CERT1: variants seen among roughly 807,000 people sequenced by gnomAD.
CERT1 encodes the protein ceramide transporter 1.
A neutral mutation model predicts 87.9 loss-of-function variants in CERT1; 31 were observed. The ratio of observed to expected loss-of-function variants is 0.35; its 90% CI spans 0.27 to 0.48. CERT1 has a LOEUF of 0.48. Among genes scored for constraint, CERT1 ranks in the 20% least tolerant of loss-of-function variants. The pLI is 0.99. For missense variants in CERT1, 487 were observed against 758.0 expected (o/e 0.64, Z 4.20); for synonymous variants, 289 against 250.9 (o/e 1.15, Z -1.44).
At chr5:75,385,512 C>A (rs991977988) in intron 13 of CERT1, among the ~76,000 whole-genome samples, 14 of 152,078 alleles carry the variant, frequency 9.2e-5, no homozygotes, top group African/African-American at 3.4e-4. Context: ...CAAAAGGATT[C>A]ACCTAGGATT....
chr5:75,412,330 G>A (rs1762964225), intron 7 of CERT1, among the ~76,000 whole-genome samples: 1 of 152,154 alleles, frequency 6.6e-6, no homozygotes, highest in Admixed American at 6.5e-5. Context: ...GGTCAAACCA[G>A]GATTCATGGT....
At chr5:75,454,314 C>A (rs1020307427) in intron 3 of CERT1, among the ~76,000 whole-genome samples, 1 of 151,946 alleles carries the variant, frequency 6.6e-6, no homozygotes. Flanking sequence ...TGAAATTTGC[C>A]GTTTGATATT....
At chr5:75,417,717 C>A (rs1763197265) in intron 6 of CERT1, among the ~76,000 whole-genome samples, 1 of 152,064 alleles carries the variant, frequency 6.6e-6, no homozygotes, top group African/African-American at 2.4e-5. Flanking sequence ...AATTGTGAAA[C>A]TTAAATCAAA....
chr5:75,417,035 T>C lies in CERT1; in HGVS notation c.680-2A>G. 1 of 1,567,354 alleles carries C rather than the reference T, an allele frequency of 6.4e-7. No individual in the cohort carries two copies. Among genetic ancestry groups the C allele is most frequent in the Non-Finnish European group, 8.7e-7 (1 of 1,146,430 alleles). ...CTTTTGGTGTCACATGTGGAAATAC[T>C]GAAAATGAAAATTATTCACTGAAAA... On this transcript the variant is annotated splice_acceptor_variant, in intron 6 of 16. Coordinates refer to ENST00000643780, the MANE Select transcript of CERT1 (RefSeq NM_001379029.1). LOFTEE classifies it high-confidence loss of function.
chr5:75,463,022 A>G (rs887700379), intron 2 of CERT1, among the ~76,000 whole-genome samples: 1 of 150,920 alleles, frequency 6.6e-6, no homozygotes, highest in Middle Eastern at 3.2e-3. Context: ...AGTCATGGAC[A>G]TGTTAAACAG....
At position 75,419,426 on chromosome 5, in the gene CERT1, T is replaced by G; in HGVS notation, c.596-2A>C. 1 of 1,588,872 alleles carries G rather than the reference T, an allele frequency of 6.3e-7. No homozygotes were observed. The highest frequency in any genetic ancestry group is 8.6e-7 in the Non-Finnish European group (1 of 1,158,128). On this transcript the variant is annotated splice_acceptor_variant, in intron 5 of 16. Transcript: ENST00000643780. LOFTEE classifies it high-confidence loss of function. Reference sequence around the variant, plus strand: ...AGTCATCTTCATCATCTTCTACCACTAAATAAAATATATTTAAGGAAATTA... The same window carrying G: ...AGTCATCTTCATCATCTTCTACCACGAAATAAAATATATTTAAGGAAATTA...
chr5:75,371,993 T>G (rs1480120694), intron 17 of CERT1: 1 of 152,238 alleles, frequency 6.6e-6, no homozygotes, highest in Non-Finnish European at 1.5e-5. Context: ...GAGGTACAAG[T>G]GCAGTTATCT....
intron 3 of CERT1, among the ~76,000 whole-genome samples, chr5:75,437,679 T>C (rs1464386090): frequency 6.7e-6 from 1 of 150,146 alleles, no homozygotes; most frequent in Non-Finnish European, 1.5e-5. Context: ...GGCAGGAGAC[T>C]CGCTTGAACC....
At chr5:75,469,104 A>G (rs1765595604) in intron 2 of CERT1, among the ~76,000 whole-genome samples, 1 of 152,108 alleles carries the variant, frequency 6.6e-6, no homozygotes, top group African/African-American at 2.4e-5. Context: ...GAGAAAATTA[A>G]TGGATTGAAA....
chr5:75,476,458 C>A (rs1765960264), intron 2 of CERT1, among the ~76,000 whole-genome samples: 1 of 152,092 alleles, frequency 6.6e-6, no homozygotes, highest in African/African-American at 2.4e-5. Context: ...AATTCTATAC[C>A]CCTGAATTAA....
intron 3 of CERT1, among the ~76,000 whole-genome samples, chr5:75,458,015 T>C (rs985035417): frequency 6.6e-6 from 1 of 151,262 alleles, no homozygotes; most frequent in Non-Finnish European, 1.5e-5. Context: ...CTGTTAGAAA[T>C]AACCAAAACA....
intron 2 of CERT1, among the ~76,000 whole-genome samples, chr5:75,503,901 T>TTTTTGTTTAATTTAAATTAA (rs1767523600): frequency 6.6e-6 from 1 of 151,862 alleles, no homozygotes; most frequent in African/African-American, 2.4e-5. Context: ...ACATTTAAAT[T>TTTTTGTTTAATTTAAATTAA]AAATGTTTAA....
intron 2 of CERT1, among the ~76,000 whole-genome samples, chr5:75,489,295 T>C (rs1411861422): frequency 1.3e-5 from 2 of 152,162 alleles, no homozygotes; most frequent in Admixed American, 1.3e-4. Flanking sequence ...ATAAAAACCC[T>C]AGAAGAAAAC....
At chr5:75,421,881 A>T (rs186567780) in intron 5 of CERT1, among the ~76,000 whole-genome samples, 1 of 152,298 alleles carries the variant, frequency 6.6e-6, no homozygotes, top group Non-Finnish European at 1.5e-5. Flanking sequence ...CATTTGCTCT[A>T]GATTTGACCT....
chr5:75,496,442 A>G (rs908524172), intron 2 of CERT1, among the ~76,000 whole-genome samples: 25 of 152,346 alleles, frequency 1.6e-4, no homozygotes, highest in African/African-American at 5.8e-4. Context: ...ACATATACTT[A>G]CCTTACAACC....
intron 2 of CERT1, among the ~76,000 whole-genome samples, chr5:75,477,339 G>A (rs1227496988): frequency 6.6e-6 from 1 of 152,038 alleles, no homozygotes; most frequent in African/African-American, 2.4e-5. Flanking sequence ...AGACAGGGCA[G>A]GTTGAAAGTC....
At chr5:75,416,826 C>G (rs374188667) in intron 7 of CERT1, 50 bp downstream of exon 7, 14 of 1,451,434 alleles carry the variant, frequency 9.6e-6, no homozygotes, top group African/African-American at 1.4e-5. Flanking sequence ...TCAAACAATA[C>G]GTAAAACTTA....
At chr5:75,403,176 T>G in intron 8 of CERT1, 118 bp from the exon 9 acceptor site, 1 of 690,326 alleles carries the variant, frequency 1.4e-6, no homozygotes, top group Non-Finnish European at 2.6e-6. Flanking sequence ...TGAACACATA[T>G]TTACAAAGCA....
chr5:75,419,474 A>G, intron 5 of CERT1, 50 bp from the exon 6 acceptor site: 8 of 1,240,138 alleles, frequency 6.5e-6, no homozygotes, highest in East Asian at 2.5e-5. Flanking sequence ...ATAGAAATTA[A>G]TGTCTATTCT....
Sources: allele counts gnomAD v4.1 joint callset (sites outside exome capture counted in the v4.1 genomes callset), GRCh38; gene constraint gnomAD v4.1.1; transcripts MANE v1.5; gene names NCBI Gene and HGNC (gene_info 2026-07-23, HGNC 2026-07-21).